Variants in CYTH3 observed in about 807,000 individuals in gnomAD.
CYTH3 encodes cytohesin 3, also known as cytohesin-3.
Under a neutral mutation model 55.1 loss-of-function variants are expected in CYTH3, and 23 were observed. That is an observed-to-expected ratio of 0.42 (90% CI 0.30 to 0.59). The LOEUF is 0.59. CYTH3 is among the 20% of genes least tolerant of loss of function. CYTH3 has a pLI of 0.20. For missense variants in CYTH3, 413 were observed against 524.8 expected, an observed-to-expected ratio of 0.79 and a Z score of 2.08; for synonymous variants, 249 against 194.9, an observed-to-expected ratio of 1.28 and a Z score of -2.31.
At chr7:6,262,781 C>G (rs1780383868) in intron 1 of CYTH3, among the ~76,000 whole-genome samples, 1 of 152,292 alleles carries the variant, frequency 6.6e-6, no homozygotes, top group East Asian at 1.9e-4. Flanking sequence ...AAGCTTAGCA[C>G]AGTGGCACAT....
chr7:6,216,530 G>A (rs1395881374), intron 1 of CYTH3, among the ~76,000 whole-genome samples: 2 of 151,906 alleles, frequency 1.3e-5, no homozygotes, highest in Admixed American at 6.6e-5. Context: ...CCTGAGCTCA[G>A]GAGTTTGAGA....
intron 1 of CYTH3, among the ~76,000 whole-genome samples, chr7:6,202,090 G>C (rs1784070283): frequency 6.6e-6 from 1 of 152,154 alleles, no homozygotes; most frequent in Non-Finnish European, 1.5e-5. Flanking sequence ...CTCTGGACTG[G>C]CTTTGGGACT....
In CYTH3 at chr7:6,165,552, C is replaced by T. The variant is rs1376956652; in HGVS notation, c.965G>A (p.Arg322Gln). The T allele has an allele frequency of 3.1e-6, 5 of 1,613,922 alleles. No individual in the cohort carries two copies. Among genetic ancestry groups the T allele is most frequent in the Non-Finnish European group, 4.2e-6 (5 of 1,179,858 alleles). The part of the protein sequence containing the change: ...NLSIREVEDP[R>Q]KPNCFELYNP... ...TCAGGAGGAAGAGCTTACGGGTTTC[C>T]GGGGGTCCTCCACCTCCCTGATGCT... Residue 322 changes from arginine to glutamine, a missense_variant, in exon 11 of 13, where the codon CGG becomes CAG. By Grantham distance (43) the Arg-to-Gln change is conservative (BLOSUM62 1). Coordinates refer to ENST00000350796, the MANE Select transcript of CYTH3 (RefSeq NM_004227.4).
At chr7:6,259,757 T>TTATATATA (rs374899666) in intron 1 of CYTH3, among the ~76,000 whole-genome samples, 1 of 37,464 alleles carries the variant, frequency 2.7e-5, no homozygotes, top group African/African-American at 2.4e-4. Flanking sequence ...TATATATATA[T>TTATATATA]TATATATATA....
intron 2 of CYTH3, among the ~76,000 whole-genome samples, chr7:6,188,432 A>G (rs906239046): frequency 6.6e-6 from 1 of 151,932 alleles, no homozygotes; most frequent in Non-Finnish European, 1.5e-5. Context: ...CCTGCCATGC[A>G]AACAGTTGTC....
chr7:6,196,771 T>G (rs899709772), intron 1 of CYTH3, among the ~76,000 whole-genome samples: 6 of 152,200 alleles, frequency 3.9e-5, no homozygotes, highest in African/African-American at 1.2e-4. Flanking sequence ...GCATCTTATT[T>G]CAATATGGCA....
chr7:6,172,462 C>T (rs1046589495), intron 6 of CYTH3, among the ~76,000 whole-genome samples: 4 of 152,106 alleles, frequency 2.6e-5, no homozygotes, highest in Non-Finnish European at 5.9e-5. Flanking sequence ...TGATGCGTCT[C>T]GAGTCAGCCC....
rs1783112223 is a variant in CYTH3 at position 6,169,579 on chromosome 7, C to T, written c.823+956G>A. On this transcript the variant is annotated intron_variant, in intron 9 of 12. Transcript: ENST00000350796. The surrounding 1 kb of genome is among the most constrained non-coding windows in gnomAD (Gnocchi z 4.1). ...TCACGTGCTGCCCAGCGGCCGCCTG[C>T]TCTCAGAAAGGCTTGCGTGAACCCA... is the stretch of plus-strand genomic sequence containing the variant. Among the ~76,000 whole-genome samples the T allele has an allele frequency of 6.6e-6, 1 of 152,208 alleles. No individual in the cohort carries two copies. The highest frequency in any genetic ancestry group is 1.5e-5 in the Non-Finnish European group (1 of 68,038).
chr7:6,169,943 G>GTGCACCACACCGGGC lies in CYTH3; in HGVS notation c.823+591_823+592insGCCCGGTGTGGTGCA, dbSNP rs1437347384. 6.5e-6 allele frequency: 1 copy of GTGCACCACACCGGGC among 154,752 alleles called. No homozygotes were observed. Among genetic ancestry groups the GTGCACCACACCGGGC allele is most frequent in the Non-Finnish European group, 1.4e-5 (1 of 69,686 alleles). The allele number at this position is 154,752 out of a possible 1,614,324, so 9.6% of individuals were successfully genotyped here. A position where few individuals can be genotyped will look rare whatever the true frequency, so the allele number is the denominator to read the frequency against. ...GGGTGGGTGTAGCATTCACCACACC[G>GTGCACCACACCGGGC]TGCACGGCGCAGCCCCAGCAAGTCC... On this transcript the variant is annotated intron_variant, in intron 9 of 12. Transcript: ENST00000350796. This position sits in a 1 kb window ranked among gnomAD's most constrained non-coding sequence, Gnocchi z 4.1.
At chr7:6,196,471 T>C (rs1364373947) in intron 1 of CYTH3, among the ~76,000 whole-genome samples, 87 of 150,046 alleles carry the variant, frequency 5.8e-4, no homozygotes, top group African/African-American at 2.1e-3. Context: ...TTTTTTTTTT[T>C]TTTTTGAGAC....
chr7:6,207,986 A>G (rs1422509595), intron 1 of CYTH3, among the ~76,000 whole-genome samples: 1 of 152,132 alleles, frequency 6.6e-6, no homozygotes, highest in East Asian at 1.9e-4. Context: ...AGCAGATAAA[A>G]AAAACGATTA....
chr7:6,195,046 C>A (rs893803964), intron 1 of CYTH3, among the ~76,000 whole-genome samples: 3 of 151,556 alleles, frequency 2.0e-5, no homozygotes, highest in African/African-American at 7.3e-5. Context: ...AAAAAGTAGG[C>A]CATATCTTCT....
chr7:6,184,580 T>C (rs1391600636), intron 4 of CYTH3, among the ~76,000 whole-genome samples: 2 of 152,070 alleles, frequency 1.3e-5, no homozygotes, highest in South Asian at 2.1e-4. Context: ...CATCACTTTA[T>C]TTATTTACTT....
At chr7:6,271,229 C>A (rs1405502521) in intron 1 of CYTH3, among the ~76,000 whole-genome samples, 2 of 152,166 alleles carry the variant, frequency 1.3e-5, no homozygotes, top group Non-Finnish European at 2.9e-5. Context: ...CGCCAAATGC[C>A]ATGACGGGTG....
At chr7:6,214,832 A>G (rs373140892) in intron 1 of CYTH3, among the ~76,000 whole-genome samples, 5 of 152,222 alleles carry the variant, frequency 3.3e-5, no homozygotes, top group East Asian at 3.8e-4. Flanking sequence ...GCCAAAGCGA[A>G]TATTCGCTCT....
intron 1 of CYTH3, among the ~76,000 whole-genome samples, chr7:6,200,045 A>G (rs1562383660): frequency 6.6e-6 from 1 of 152,244 alleles, no homozygotes; most frequent in Non-Finnish European, 1.5e-5. Context: ...GAGCCCATCA[A>G]TTGTAAGATG....
intron 1 of CYTH3, among the ~76,000 whole-genome samples, chr7:6,260,413 A>G (rs148018711): frequency 2.6e-5 from 4 of 152,100 alleles, no homozygotes; most frequent in African/African-American, 9.6e-5. Flanking sequence ...CAAAACAAAC[A>G]TACCCTTCCC....
In CYTH3 at chr7:6,271,010, T is replaced by C. The variant is rs555838275; in HGVS notation, c.34+1464A>G. Among the ~76,000 whole-genome samples the C allele has an allele frequency of 3.9e-5, 6 of 152,324 alleles. No homozygotes were observed. The South Asian group carries it at 1.2e-3, about 32-fold the overall frequency. The stretch of plus-strand genomic sequence containing the variant: ...GTCTGCATATTACAGTTGTCTTTCT[T>C]TTCTAACAAGGGAAAACAGCTATGC... On this transcript the variant is annotated intron_variant, in intron 1 of 12. Transcript: ENST00000350796.
chr7:6,190,573 T>G, intron 1 of CYTH3, 42 bp from the exon 2 acceptor site: 1 of 1,458,384 alleles, frequency 6.9e-7, no homozygotes, highest in Non-Finnish European at 9.1e-7. Context: ...GGAGAACACA[T>G]TGGCAACATC....
Sources: gnomAD v4.1 joint callset for allele counts (sites outside exome capture counted in the v4.1 genomes callset) on GRCh38, gnomAD v4.1.1 for gene constraint, Gnocchi (gnomAD v3.1) non-coding constraint, MANE v1.5 for transcripts, NCBI Gene and HGNC (gene_info 2026-07-23, HGNC 2026-07-21) for gene names.